The following RPS13 variants were observed in gnomAD, a reference collection of about 807,000 sequenced individuals.
The protein encoded by RPS13 is small ribosomal subunit protein uS15.
RPS13 carries 1 observed loss-of-function variant against 24.6 expected under a neutral mutation model. The observed-to-expected ratio is 0.04, with a 90% CI of 0.01 to 0.19. The LOEUF is 0.19. RPS13 is among the 10% of genes least tolerant of loss of function. RPS13 has a pLI of 1.00. For synonymous variants in RPS13, 69 were observed against 65.3 expected (o/e 1.06, Z -0.27); for missense variants, 88 against 187.4 (o/e 0.47, Z 3.10).
chr11:17,074,764 A>C (rs1055270962), intron 5 of RPS13: 1 of 666,192 alleles, frequency 1.5e-6, no homozygotes, highest in Admixed American at 2.0e-5. Flanking sequence ...GTGAAAATTA[A>C]TTCAAACTCC....
intron 3 of RPS13, chr11:17,076,361 G>A: frequency 3.4e-6 from 1 of 293,568 alleles, no homozygotes; most frequent in Non-Finnish European, 6.8e-6. Flanking sequence ...CTGCACTCCA[G>A]CCTGGGTGAC....
chr11:17,074,425 A>G lies in RPS13; in HGVS notation c.*8T>C. ...CAATCATTTTATTGCTTGAGTACAC[A>G]GACAAATTTATGCGACCAGGGCAGA... On this transcript the variant is annotated 3_prime_UTR_variant, in exon 6 of 6. Coordinates refer to ENST00000525634, the MANE Select transcript of RPS13 (RefSeq NM_001017.3). 1.2e-6 allele frequency: 2 copies of G among 1,606,892 alleles called. No homozygotes were observed. Among genetic ancestry groups the G allele is most frequent in the Non-Finnish European group, 1.7e-6 (2 of 1,173,618 alleles).
chr11:17,075,263 A>G (rs1848008898), intron 4 of RPS13, 66 bp from the exon 5 acceptor site: 6 of 1,191,836 alleles, frequency 5.0e-6, no homozygotes, highest in Admixed American at 2.2e-5. Flanking sequence ...TCAAACATTA[A>G]TAAGAGAATG....
In RPS13 at chr11:17,077,613, G is replaced by C. The variant is rs764609786; in HGVS notation, c.23+6C>G. ...CCAGCAATCCGGCTTGATGCCCCGA[G>C]CTCACCCGGGAGCATGCATGCGACC... On this transcript the variant is annotated splice_donor_region_variant and intron_variant, in intron 1 of 5. Coordinates refer to ENST00000525634, the MANE Select transcript of RPS13 (RefSeq NM_001017.3). 2 of 1,603,110 alleles carry C rather than the reference G, an allele frequency of 1.2e-6. No individual in the cohort carries two copies. Among genetic ancestry groups the C allele is most frequent in the Non-Finnish European group, 1.7e-6 (2 of 1,176,786 alleles).
At chr11:17,077,307 G>A (rs1848036597) in intron 2 of RPS13, 61 bp from the exon 3 acceptor site, 9 of 1,572,338 alleles carry the variant, frequency 5.7e-6, no homozygotes, top group East Asian at 2.3e-5. Flanking sequence ...GCAGAACAGC[G>A]GTCTCTCCTT....
Position 17,077,179 on chromosome 11 carries a change from G to A in RPS13, c.140C>T (p.Pro47Leu). The change falls in exon 3 of 6, where the codon CCT becomes CTT. Residue 47 changes from proline (P) to leucine (L), a missense_variant. Coordinates refer to ENST00000525634, the MANE Select transcript of RPS13 (RefSeq NM_001017.3). Reference sequence around the variant, plus strand: ...ACACAAACACTCACCGATCTGTGAAGGAGTAAGGCCCTTCTTGGCCAGTTT... The same window carrying A: ...ACACAAACACTCACCGATCTGTGAAAGAGTAAGGCCCTTCTTGGCCAGTTT... ...IYKLAKKGLT[P>L]SQIGVILRDS... 6.2e-7 allele frequency: 1 copy of A among 1,612,576 alleles called. No individual in the cohort carries two copies. The highest frequency in any genetic ancestry group is 8.5e-7 in the Non-Finnish European group (1 of 1,178,794).
chr11:17,075,312 G>T, intron 4 of RPS13, 115 bp from the exon 5 acceptor site: 2 of 999,234 alleles, frequency 2.0e-6, no homozygotes, highest in South Asian at 1.6e-5. Flanking sequence ...AAATCTCTTT[G>T]GATAGAATTT....
chr11:17,076,437 TC>T, intron 3 of RPS13: 1 of 303,386 alleles, frequency 3.3e-6, no homozygotes, highest in Non-Finnish European at 6.5e-6. Context: ...GCGCCTGTAA[TC>T]CCACCTATTC....
In RPS13 at chr11:17,074,603, T is replaced by C. The variant is rs7125607; in HGVS notation, c.423-137A>G. The C allele has an allele frequency of 5.4e-6, 4 of 743,738 alleles. No individual in the cohort carries two copies. In the Admixed American group the frequency reaches 8.0e-5, roughly 15 times the overall value. 46.1% of individuals were successfully genotyped at this position (743,738 alleles called of 1,614,324 possible). The stretch of plus-strand genomic sequence containing the variant: ...CAAACTATATAAAGTGCACCAAACT[T>C]CTGAATACCTGAACCAACTCATTGT... On this transcript the variant is annotated intron_variant, in intron 5 of 5. Transcript: ENST00000525634.
At chr11:17,075,226 A>C in intron 4 of RPS13, 29 bp from the exon 5 acceptor site, 1 of 1,470,722 alleles carries the variant, frequency 6.8e-7, no homozygotes, top group Non-Finnish European at 9.4e-7. Flanking sequence ...GCAATTCAAG[A>C]AAACCACCCA....
At chr11:17,076,672 C>A in intron 3 of RPS13, 1 of 337,734 alleles carries the variant, frequency 3.0e-6, no homozygotes, top group South Asian at 2.2e-5. Flanking sequence ...CTCTGCATCC[C>A]AAGTATCTGG....
chr11:17,076,538 A>G, intron 3 of RPS13: 1 of 400,608 alleles, frequency 2.5e-6, no homozygotes, highest in Non-Finnish European at 4.9e-6. Context: ...ACTGGGCGAC[A>G]AGAGCAAGAC....
intron 5 of RPS13, chr11:17,074,810 A>C (rs2137236697): frequency 1.5e-6 from 1 of 658,438 alleles, no homozygotes; most frequent in Admixed American, 2.1e-5. Context: ...TCTACCTACT[A>C]TCTAAAAGAG....
At chr11:17,074,580 A>C in intron 5 of RPS13, 114 bp from the exon 6 acceptor site, 2 of 850,920 alleles carry the variant, frequency 2.4e-6, no homozygotes, top group Non-Finnish European at 3.9e-6. Flanking sequence ...AATAAATCCA[A>C]ACTATATAAA....
At chr11:17,077,299 A>T in intron 2 of RPS13, 53 bp from the exon 3 acceptor site, 1 of 1,577,906 alleles carries the variant, frequency 6.3e-7, no homozygotes, top group Non-Finnish European at 8.7e-7. Context: ...ATGGCGCCGC[A>T]GAACAGCGGT....
In RPS13 at chr11:17,074,403, T is replaced by G; in HGVS notation, c.*30A>C. The G allele has an allele frequency of 6.4e-7, 1 of 1,550,848 alleles. No homozygotes were observed. The highest frequency in any genetic ancestry group is 1.1e-5 in the South Asian group (1 of 89,396). On this transcript the variant is annotated 3_prime_UTR_variant, in exon 6 of 6. Coordinates refer to ENST00000525634, the MANE Select transcript of RPS13 (RefSeq NM_001017.3). ...ATGAAACATGCTTTTAGTTAAACAA[T>G]CATTTTATTGCTTGAGTACACAGAC...
chr11:17,076,383 C>T (rs1274485611), intron 3 of RPS13: 1 of 295,766 alleles, frequency 3.4e-6, no homozygotes, highest in Non-Finnish European at 6.7e-6. Context: ...AAGTGAGAAT[C>T]GGTCTCAAAC....
At chr11:17,074,622 T>A in intron 5 of RPS13, 156 bp from the exon 6 acceptor site, 1 of 722,068 alleles carries the variant, frequency 1.4e-6, no homozygotes. Context: ...CTGAACCAAC[T>A]CATTGTGTTC....
At chr11:17,076,015 A>G (rs897467845) in intron 3 of RPS13, 6 of 322,218 alleles carry the variant, frequency 1.9e-5, no homozygotes, top group African/African-American at 1.1e-4. Context: ...AATCTATGAC[A>G]TATTTTCTTT....
Sources: allele counts gnomAD v4.1 joint callset, GRCh38; gene constraint gnomAD v4.1.1; transcripts MANE v1.5; gene names NCBI Gene and HGNC (gene_info 2026-07-23, HGNC 2026-07-21).